The following PHYH variants were observed in gnomAD, a reference collection of about 807,000 sequenced individuals.
PHYH encodes the protein phytanoyl-CoA 2-hydroxylase.
In PHYH, 32 loss-of-function variants were observed where a neutral mutation model predicts 38.5. The observed-to-expected ratio is 0.83, with a 90% CI of 0.63 to 1.12. The LOEUF is 1.12. Among genes scored for constraint, PHYH ranks in the 50% most tolerant of loss-of-function variants. The probability of loss-of-function intolerance (pLI) is 0.00; values close to 1 mark genes in which losing one functional copy is unlikely to be tolerated. For synonymous variants in PHYH, 166 were observed against 157.9 expected, an observed-to-expected ratio of 1.05 and a Z score of -0.38; for missense variants, 426 against 434.8, an observed-to-expected ratio of 0.98 and a Z score of 0.18.
chr10:13,299,660 C>T (rs1832694253), intron 1 of PHYH: 2 of 1,195,254 alleles, frequency 1.7e-6, no homozygotes, highest in Admixed American at 4.9e-5. Context: ...GCCGGGGTCA[C>T]GCGCCGCCGG....
chr10:13,278,319 T>G lies in PHYH; in HGVS notation c.999A>C (p.Gly333=). 1 of 1,612,636 alleles carries G rather than the reference T, an allele frequency of 6.2e-7. No individual in the cohort carries two copies. The highest frequency in any genetic ancestry group is 2.2e-5 in the East Asian group (1 of 44,840). Residue 333 remains glycine, a synonymous_variant, in exon 9 of 9, where the codon GGA becomes GGC. Coordinates refer to ENST00000263038, the MANE Select transcript of PHYH (RefSeq NM_006214.4). ...GGCTATTTCAAAGATTGGTTCTTTC[T>G]CCTTTCACAAGTCGAGCTCGAAACA... is the stretch of plus-strand genomic sequence containing the variant. The part of the protein sequence containing the change: ...IWMFRARLVK[G]ERTNL
Position 13,298,190 on chromosome 10 carries a change from A to G in PHYH, c.131T>C (p.Phe44Ser), listed in dbSNP as rs2131660992. 1 of 1,594,152 alleles carries G rather than the reference A, an allele frequency of 6.3e-7. No individual in the cohort carries two copies. The highest frequency in any genetic ancestry group is 1.1e-5 in the South Asian group (1 of 90,734). Residue 44 changes from phenylalanine to serine, a missense_variant, in exon 2 of 9, where the codon TTC (phenylalanine) becomes TCC (serine). Coordinates refer to ENST00000263038, the MANE Select transcript of PHYH (RefSeq NM_006214.4). ...AATCAAAACTCAAACTACTTACTGG[A>G]ATTGTTGAGGATGGAAACTGGCAGA... is the stretch of plus-strand genomic sequence containing the variant. ...ISSASFHPQQFQYTLDNNVLT... is the reference protein window; with the variant it reads ...ISSASFHPQQSQYTLDNNVLT...
intron 2 of PHYH, among the ~76,000 whole-genome samples, chr10:13,296,821 G>A: frequency 6.6e-6 from 1 of 151,662 alleles, no homozygotes; most frequent in East Asian, 1.9e-4. Flanking sequence ...CCGGCATGGT[G>A]TCTGGCGCCT....
At chr10:13,289,354 C>T (rs1253464935) in intron 5 of PHYH, among the ~76,000 whole-genome samples, 1 of 152,020 alleles carries the variant, frequency 6.6e-6, no homozygotes, top group Non-Finnish European at 1.5e-5. Context: ...CGCCACCACG[C>T]CCGGCTAATT....
chr10:13,288,715 T>C (rs905975068), intron 5 of PHYH, among the ~76,000 whole-genome samples, 174 bp from the exon 6 acceptor site: 2 of 151,816 alleles, frequency 1.3e-5, no homozygotes, highest in African/African-American at 4.8e-5. Context: ...AGACTCCGTT[T>C]CTACAGAAAA....
intron 3 of PHYH, chr10:13,295,113 A>C (rs1835810959): frequency 3.5e-6 from 1 of 282,052 alleles, no homozygotes; most frequent in African/African-American, 2.2e-5. Context: ...GGGTGAGGCC[A>C]GGAGTTCAAG....
At chr10:13,294,703 T>C in intron 3 of PHYH, 107 bp from the exon 4 acceptor site, 1 of 875,382 alleles carries the variant, frequency 1.1e-6, no homozygotes, top group Non-Finnish European at 1.9e-6. Flanking sequence ...TTCTCTGCAC[T>C]AAGTTGGCCT....
chr10:13,284,432 A>G (rs1347871736), intron 6 of PHYH, among the ~76,000 whole-genome samples: 1 of 152,228 alleles, frequency 6.6e-6, no homozygotes, highest in Non-Finnish European at 1.5e-5. Context: ...TGACTGCATT[A>G]TACATGAAGA....
In PHYH at chr10:13,293,739, G is replaced by C. The variant is rs540879388; in HGVS notation, c.414+689C>G. Among the ~76,000 whole-genome samples, 55 of 151,956 alleles carry C rather than the reference G, an allele frequency of 3.6e-4. 1 individual carries two copies. The highest frequency in any genetic ancestry group is 6.3e-4 in the Non-Finnish European group (43 of 68,022). On this transcript the variant is annotated intron_variant, in intron 4 of 8. Coordinates refer to ENST00000263038, the MANE Select transcript of PHYH (RefSeq NM_006214.4). ...TTTCAGCCTTCCAAAGTGCCACTTC[G>C]CCTGGCCTTTTTATTTAATCTTGTC...
chr10:13,285,606 C>CT (rs36040564), intron 6 of PHYH, among the ~76,000 whole-genome samples: 40,933 of 127,482 alleles, frequency 0.32, 6,524 homozygotes, highest in South Asian at 0.44. Flanking sequence ...CTTTTCTTTT[C>CT]TTTTTTTTTT....
rs1835824923 is a variant in PHYH, at chr10:13,295,533, T to G, written c.208A>C (p.Lys70Gln). The change falls in exon 3 of 9, where the codon AAA becomes CAA. Residue 70 changes from lysine (K) to glutamine (Q), a missense_variant. By Grantham distance (53) the Lys-to-Gln change is moderately conservative (BLOSUM62 1). Transcript: ENST00000263038. The part of the protein sequence containing the change: ...FYEENGFLVI[K>Q]NLVPDADIQR... ...ATATCGGCATCAGGTACAAGATTTTTGATTACTAGAAACCCATTTTCTTCA... is the reference window on the plus strand; with the variant it reads ...ATATCGGCATCAGGTACAAGATTTTGGATTACTAGAAACCCATTTTCTTCA... 7 of 1,568,148 alleles carry G rather than the reference T, an allele frequency of 4.5e-6. No individual in the cohort carries two copies. The highest frequency in any genetic ancestry group is 3.5e-6 in the Non-Finnish European group (4 of 1,138,156).
At chr10:13,294,898 C>T in intron 3 of PHYH, 1 of 416,836 alleles carries the variant, frequency 2.4e-6, no homozygotes, top group Non-Finnish European at 4.5e-6. Flanking sequence ...CAGCTCTCTT[C>T]AAAGTGGTTT....
At chr10:13,282,461 G>C (rs575716998) in intron 7 of PHYH, among the ~76,000 whole-genome samples, 4 of 151,776 alleles carry the variant, frequency 2.6e-5, no homozygotes, top group East Asian at 3.9e-4. Context: ...GCATAGTGGC[G>C]TGTGCCTGTA....
Position 13,287,528 on chromosome 10 carries a change from C to T in PHYH, c.678+832G>A, listed in dbSNP as rs552441586. ...GCTGCTCCCCAAAATACACCCCCAG[C>T]GCCCAGCCCATCTAGACTGCAAGCT... is the stretch of plus-strand genomic sequence containing the variant. On this transcript the variant is annotated intron_variant, in intron 6 of 8. Transcript: ENST00000263038. 7.9e-5 allele frequency among the ~76,000 whole-genome samples: 12 copies of T among 152,246 alleles called. No individual in the cohort carries two copies. The East Asian group carries it at 9.7e-4, about 12-fold the overall frequency.
intron 5 of PHYH, among the ~76,000 whole-genome samples, chr10:13,290,243 C>T (rs937366193): frequency 1.3e-5 from 2 of 151,432 alleles, no homozygotes; most frequent in South Asian, 2.1e-4. Flanking sequence ...TGCAGTAAGC[C>T]GAGATTGAGC....
chr10:13,290,115 C>CA lies in PHYH; in HGVS notation c.497-1575dup, dbSNP rs1172422242. ...GAAACCCTGTCTCTACTAAAAATAC[C>CA]AAAAAAAAAAAAAAAAAAAAAAAAA... On this transcript the variant is annotated intron_variant, in intron 5 of 8. Coordinates refer to ENST00000263038, the MANE Select transcript of PHYH (RefSeq NM_006214.4). Among the ~76,000 whole-genome samples the CA allele has an allele frequency of 4.7e-3, 158 of 33,392 alleles. 4 individuals are homozygous for CA. Among genetic ancestry groups the CA allele is most frequent in the East Asian group, 0.036 (30 of 844 alleles). 21.9% of individuals were successfully genotyped at this position (33,392 alleles called of 152,430 possible). A position where few individuals can be genotyped will look rare whatever the true frequency, so the allele number is the denominator to read the frequency against.
At chr10:13,287,989 G>A (rs1395158889) in intron 6 of PHYH, among the ~76,000 whole-genome samples, 1 of 152,130 alleles carries the variant, frequency 6.6e-6, no homozygotes, top group Non-Finnish European at 1.5e-5. Flanking sequence ...AGACCAGCCT[G>A]GCCAACATGG....
rs1234838223 is a variant in PHYH, at chr10:13,281,026, C to A, written c.913G>T (p.Val305Leu). 2 of 1,613,924 alleles carry A rather than the reference C, an allele frequency of 1.2e-6. No homozygotes were observed. Among genetic ancestry groups the A allele is most frequent in the African/African-American group, 2.7e-5 (2 of 74,948 alleles). Residue 305 changes from valine (V) to leucine (L), a missense_variant, in exon 8 of 9, where the codon GTA (valine) becomes TTA (leucine). Val to Leu is a conservative substitution (Grantham distance 32). Transcript: ENST00000263038. Reference sequence around the variant, plus strand: ...CCAAAGAATTTATGTGCTATTCCTACAACTTCCTTCTCGATGTTTTCTTGA... The same window carrying A: ...CCAAAGAATTTATGTGCTATTCCTAAAACTTCCTTCTCGATGTTTTCTTGA... ...TSQENIEKEV[V>L]GIAHKFFGAE... is the part of the protein sequence containing the mutation.
At position 13,291,881 on chromosome 10, in the gene PHYH, G is replaced by T; in HGVS notation, c.446C>A (p.Pro149His). 1 of 1,610,320 alleles carries T rather than the reference G, an allele frequency of 6.2e-7. No individual in the cohort carries two copies. Among genetic ancestry groups the T allele is most frequent in the Non-Finnish European group, 8.5e-7 (1 of 1,177,884 alleles). ...ILKYVECFTG[P>H]NIMAMHTMLI... ...CATTGTGTGCATGGCCATAATATTAGGTCCAGTGAAGCACTCCACATATTT... is the reference window on the plus strand; with the variant it reads ...CATTGTGTGCATGGCCATAATATTATGTCCAGTGAAGCACTCCACATATTT... Residue 149 changes from proline (P) to histidine (H), a missense_variant, in exon 5 of 9, where the codon CCT (proline) becomes CAT (histidine). By Grantham distance (77) the Pro-to-His change is moderately conservative. Transcript: ENST00000263038.
Sources: gnomAD v4.1 joint callset for allele counts (sites outside exome capture counted in the v4.1 genomes callset) on GRCh38, gnomAD v4.1.1 for gene constraint, MANE v1.5 for transcripts, NCBI Gene and HGNC (gene_info 2026-07-23, HGNC 2026-07-21) for gene names.